The following SPOCK1 variants were observed in gnomAD, a reference collection of about 807,000 sequenced individuals.
SPOCK1 encodes the protein SPARC (osteonectin), cwcv and kazal like domains proteoglycan 1, also known as testican-1.
Under a neutral mutation model 55.3 loss-of-function variants are expected in SPOCK1, and 23 were observed. The ratio of observed to expected loss-of-function variants is 0.42; its 90% CI spans 0.30 to 0.59. The LOEUF (loss-of-function observed/expected upper bound fraction) is 0.59, where lower values mean the gene tolerates loss of function less well. Ranked by LOEUF, SPOCK1 falls within the 20% of genes least tolerant of loss-of-function variation. The pLI, the probability that SPOCK1 is intolerant of heterozygous loss-of-function variation, is 0.22. For synonymous variants in SPOCK1, 226 were observed against 221.0 expected, an observed-to-expected ratio of 1.02 and a Z score of -0.20; for missense variants, 499 against 552.5, an observed-to-expected ratio of 0.90 and a Z score of 0.97.
At chr5:137,340,585 T>C (rs1750397226) in intron 2 of SPOCK1, among the ~76,000 whole-genome samples, 1 of 152,160 alleles carries the variant, frequency 6.6e-6, no homozygotes, top group South Asian at 2.1e-4. Context: ...CAGTTTTACT[T>C]GTAAGAAGGC....
intron 5 of SPOCK1, among the ~76,000 whole-genome samples, chr5:137,087,840 A>G (rs1752985270): frequency 6.8e-6 from 1 of 146,656 alleles, no homozygotes; most frequent in South Asian, 2.3e-4. Context: ...AGGAAGAAAC[A>G]GAAAAAAGTG....
intron 6 of SPOCK1, among the ~76,000 whole-genome samples, chr5:137,015,029 C>T (rs17599677): frequency 0.31 from 47,859 of 152,042 alleles, 8,369 homozygotes; most frequent in Middle Eastern, 0.39. Flanking sequence ...TGGGTAAAAG[C>T]GAATTCTGAA....
intron 4 of SPOCK1, among the ~76,000 whole-genome samples, chr5:137,124,912 C>G (rs1035036360): frequency 6.6e-6 from 1 of 152,178 alleles, no homozygotes; most frequent in Non-Finnish European, 1.5e-5. Context: ...TTATGTTGCT[C>G]TTTCTCAAGA....
At chr5:137,041,184 G>A (rs1365238576) in intron 6 of SPOCK1, among the ~76,000 whole-genome samples, 2 of 152,124 alleles carry the variant, frequency 1.3e-5, no homozygotes, top group South Asian at 2.1e-4. Flanking sequence ...AGAGAGGAAT[G>A]AGATATAGCC....
At chr5:137,418,164 A>T (rs1259792024) in intron 2 of SPOCK1, among the ~76,000 whole-genome samples, 1 of 152,138 alleles carries the variant, frequency 6.6e-6, no homozygotes, top group East Asian at 1.9e-4. Flanking sequence ...ATAGTATTCC[A>T]TGGTGTATAT....
chr5:137,223,669 A>C (rs1350707294), intron 3 of SPOCK1, among the ~76,000 whole-genome samples: 3 of 152,228 alleles, frequency 2.0e-5, no homozygotes, highest in Admixed American at 2.0e-4. Flanking sequence ...TGATAAAATA[A>C]TGAGCAAAAA....
chr5:137,122,605 C>T (rs1324071023), intron 4 of SPOCK1, among the ~76,000 whole-genome samples: 1 of 152,164 alleles, frequency 6.6e-6, no homozygotes, highest in Non-Finnish European at 1.5e-5. Flanking sequence ...AATGGACACA[C>T]CAATTGGAAA....
chr5:137,241,906 G>A (rs1756290151), intron 3 of SPOCK1, among the ~76,000 whole-genome samples: 1 of 152,184 alleles, frequency 6.6e-6, no homozygotes, highest in Non-Finnish European at 1.5e-5. Flanking sequence ...TGACCCAGCA[G>A]CTCCTCTTCT....
intron 2 of SPOCK1, chr5:137,365,257 C>G (rs756633195): frequency 6.6e-6 from 1 of 152,320 alleles, no homozygotes; most frequent in Non-Finnish European, 1.5e-5. Context: ...CCCAGCCATT[C>G]TGTCCATCCA....
At chr5:137,101,044 T>C (rs553476881) in intron 5 of SPOCK1, among the ~76,000 whole-genome samples, 1 of 152,322 alleles carries the variant, frequency 6.6e-6, no homozygotes, top group South Asian at 2.1e-4. Flanking sequence ...TAAAGTAAGA[T>C]CAGCTTCACT....
chr5:137,082,329 C>T (rs1233514625), intron 5 of SPOCK1, among the ~76,000 whole-genome samples: 1 of 152,114 alleles, frequency 6.6e-6, no homozygotes, highest in African/African-American at 2.4e-5. Flanking sequence ...AACCAGGAGG[C>T]CAGCCCATGG....
chr5:137,116,569 A>C (rs4519919), intron 4 of SPOCK1, among the ~76,000 whole-genome samples: 136,280 of 151,966 alleles, frequency 0.9, 61,178 homozygotes, highest in African/African-American at 0.93. Flanking sequence ...TCACTTGAAC[A>C]CGGCAGGCGG....
rs376596219 is a variant in SPOCK1, at chr5:137,346,229, C to A, written c.187-79174G>T. 2.6e-5 allele frequency among the ~76,000 whole-genome samples: 4 copies of A among 152,138 alleles called. No individual in the cohort carries two copies. In the East Asian group the frequency reaches 5.8e-4, roughly 22 times the overall value. ...CAAAGAATGAGAAGCCCAGGAAGAC[C>A]GGGAAGTTGCATTTCCTTGTGGGCC... On this transcript the variant is annotated intron_variant, in intron 2 of 10. Transcript: ENST00000394945.
chr5:137,277,466 C>G (rs1041350639), intron 2 of SPOCK1, among the ~76,000 whole-genome samples: 1 of 152,164 alleles, frequency 6.6e-6, no homozygotes, highest in Non-Finnish European at 1.5e-5. Context: ...GTAACCACTA[C>G]ATACTACTGC....
chr5:137,272,960 G>A (rs922637222), intron 2 of SPOCK1, among the ~76,000 whole-genome samples: 1 of 152,100 alleles, frequency 6.6e-6, no homozygotes, highest in Non-Finnish European at 1.5e-5. Context: ...GTGGTTGTAT[G>A]TTTATACACA....
intron 3 of SPOCK1, among the ~76,000 whole-genome samples, chr5:137,224,588 G>A (rs1030871498): frequency 3.3e-5 from 5 of 152,136 alleles, no homozygotes; most frequent in Admixed American, 1.3e-4. Flanking sequence ...AAGCATCACC[G>A]ATCAACCTGA....
At chr5:137,345,445 A>G (rs1229734) in intron 2 of SPOCK1, among the ~76,000 whole-genome samples, 2 of 152,076 alleles carry the variant, frequency 1.3e-5, no homozygotes, top group African/African-American at 4.8e-5. Flanking sequence ...AGAGATGGGC[A>G]TTACCTGGAT....
intron 2 of SPOCK1, among the ~76,000 whole-genome samples, chr5:137,444,979 T>A (rs1238696794): frequency 6.6e-6 from 1 of 152,162 alleles, no homozygotes; most frequent in African/African-American, 2.4e-5. Flanking sequence ...TAGGGGCTTG[T>A]CCCTAGCTCA....
chr5:137,301,917 C>T (rs1757599055), intron 2 of SPOCK1, among the ~76,000 whole-genome samples: 1 of 152,138 alleles, frequency 6.6e-6, no homozygotes, highest in Admixed American at 6.5e-5. Flanking sequence ...ATGGCAAGAG[C>T]TGTGAGTATG....
Sources: allele counts gnomAD v4.1 joint callset (sites outside exome capture counted in the v4.1 genomes callset), GRCh38; gene constraint gnomAD v4.1.1; transcripts MANE v1.5; gene names NCBI Gene and HGNC (gene_info 2026-07-23, HGNC 2026-07-21).